SGCZ: variants seen among roughly 807,000 people sequenced by gnomAD.
The protein encoded by SGCZ is zeta-sarcoglycan.
Under a neutral mutation model 41.3 loss-of-function variants are expected in SGCZ, and 40 were observed. The observed-to-expected ratio is 0.97, with a 90% CI of 0.75 to 1.26. SGCZ has a LOEUF of 1.26. SGCZ is among the 50% of genes most tolerant of loss of function. The probability of loss-of-function intolerance (pLI) is 0.00; values close to 1 mark genes in which losing one functional copy is unlikely to be tolerated. For synonymous variants in SGCZ, 206 were observed against 137.5 expected (o/e 1.50, Z -3.49); for missense variants, 552 against 369.8 (o/e 1.49, Z -4.04).
intron 5 of SGCZ, among the ~76,000 whole-genome samples, chr8:14,122,755 A>T (rs117284586): frequency 0.026 from 3,905 of 152,206 alleles, 75 homozygotes; most frequent in East Asian, 0.082. Flanking sequence ...TGTTTTTAGG[A>T]ATTCTTCTTT....
chr8:14,636,038 T>A (rs1478553397), intron 1 of SGCZ, among the ~76,000 whole-genome samples: 1 of 151,790 alleles, frequency 6.6e-6, no homozygotes, highest in African/African-American at 2.4e-5. Flanking sequence ...TTAGGCCTAA[T>A]TATTTTGACG....
At chr8:14,132,620 T>C (rs1482676493) in intron 5 of SGCZ, among the ~76,000 whole-genome samples, 1 of 152,234 alleles carries the variant, frequency 6.6e-6, no homozygotes, top group African/African-American at 2.4e-5. Flanking sequence ...TACTTGAACA[T>C]ATTTTAAATC....
At chr8:14,927,508 A>C (rs1332205949) in intron 1 of SGCZ, among the ~76,000 whole-genome samples, 1 of 152,046 alleles carries the variant, frequency 6.6e-6, no homozygotes, top group Non-Finnish European at 1.5e-5. Context: ...AACAAGGTAG[A>C]GAAATAAGAA....
chr8:14,195,449 T>C (rs1472023297), intron 4 of SGCZ, among the ~76,000 whole-genome samples: 1 of 151,822 alleles, frequency 6.6e-6, no homozygotes, highest in East Asian at 1.9e-4. Context: ...GAATTTGGAG[T>C]CTCTGAGGAA....
At chr8:14,206,118 A>G (rs1487662108) in intron 4 of SGCZ, among the ~76,000 whole-genome samples, 1 of 152,128 alleles carries the variant, frequency 6.6e-6, no homozygotes, top group Admixed American at 6.5e-5. Context: ...TGTACAAATA[A>G]TTTTTATGTT....
chr8:14,665,599 T>C (rs1245111215), intron 1 of SGCZ, among the ~76,000 whole-genome samples: 1 of 152,190 alleles, frequency 6.6e-6, no homozygotes, highest in African/African-American at 2.4e-5. Context: ...AAGTGTTCAA[T>C]AGACATTAGA....
intron 1 of SGCZ, among the ~76,000 whole-genome samples, chr8:15,012,101 G>A (rs147127521): frequency 3.3e-5 from 5 of 151,948 alleles, no homozygotes; most frequent in Non-Finnish European, 7.4e-5. Flanking sequence ...TTAATGAATT[G>A]AACAATATTT....
intron 2 of SGCZ, among the ~76,000 whole-genome samples, chr8:14,456,358 A>T (rs1360991709): frequency 6.6e-6 from 1 of 152,212 alleles, no homozygotes; most frequent in Non-Finnish European, 1.5e-5. Flanking sequence ...CAGAGAGCCA[A>T]GACTGCACCA....
chr8:14,608,027 G>A (rs767468740), intron 1 of SGCZ, among the ~76,000 whole-genome samples: 2 of 152,188 alleles, frequency 1.3e-5, no homozygotes, highest in Non-Finnish European at 2.9e-5. Context: ...TGAGAAGTAA[G>A]ATTACAATGT....
chr8:14,323,148 C>T (rs983966664), intron 3 of SGCZ, among the ~76,000 whole-genome samples: 8 of 151,878 alleles, frequency 5.3e-5, no homozygotes, highest in African/African-American at 1.9e-4. Flanking sequence ...AAGTTAATAT[C>T]CTAATTAAAT....
chr8:15,062,217 G>C (rs1804964596), intron 1 of SGCZ, among the ~76,000 whole-genome samples: 1 of 151,986 alleles, frequency 6.6e-6, no homozygotes, highest in Non-Finnish European at 1.5e-5. Flanking sequence ...TTAATGAAAA[G>C]GTTAGCTTCT....
intron 1 of SGCZ, among the ~76,000 whole-genome samples, chr8:15,160,506 A>G (rs1238989579): frequency 1.3e-5 from 2 of 151,966 alleles, no homozygotes; most frequent in Admixed American, 1.3e-4. Context: ...TGGACCCAGC[A>G]ACACAACCCT....
intron 5 of SGCZ, among the ~76,000 whole-genome samples, chr8:14,111,410 G>T (rs1027479243): frequency 3.9e-5 from 6 of 152,090 alleles, no homozygotes; most frequent in African/African-American, 1.4e-4. Context: ...AGACTGTCAT[G>T]AATTCTCATA....
At chr8:14,369,934 C>A (rs541618201) in intron 2 of SGCZ, among the ~76,000 whole-genome samples, 2 of 151,894 alleles carry the variant, frequency 1.3e-5, no homozygotes, top group Admixed American at 1.3e-4. Flanking sequence ...AGGCTAATGA[C>A]GTCTATTAAA....
intron 3 of SGCZ, among the ~76,000 whole-genome samples, chr8:14,297,049 G>A (rs1337919392): frequency 6.6e-6 from 1 of 152,016 alleles, no homozygotes; most frequent in Non-Finnish European, 1.5e-5. Context: ...AGCATCCTGA[G>A]TAGTGAGGAG....
At chr8:15,201,424 A>T (rs1800885932) in intron 1 of SGCZ, among the ~76,000 whole-genome samples, 1 of 152,216 alleles carries the variant, frequency 6.6e-6, no homozygotes, top group East Asian at 1.9e-4. Context: ...TACTTGCAAC[A>T]ATCCAGCAAG....
At chr8:14,595,457 T>C (rs1467635710) in intron 1 of SGCZ, among the ~76,000 whole-genome samples, 2 of 148,430 alleles carry the variant, frequency 1.3e-5, no homozygotes, top group African/African-American at 5.0e-5. Context: ...TACTGATGGG[T>C]GGCTGGAAAG....
At position 14,581,938 on chromosome 8, in the gene SGCZ, G is replaced by C. The variant is rs147789361; in HGVS notation, c.40-27012C>G. Reference sequence around the variant, plus strand: ...TTTCACTAAAAGTTAGAGTGAGTGTGCCTGTCTCTCATGCTTCCCATTCCA... The same window carrying C: ...TTTCACTAAAAGTTAGAGTGAGTGTCCCTGTCTCTCATGCTTCCCATTCCA... On this transcript the variant is annotated intron_variant, in intron 1 of 7. Transcript: ENST00000382080. Among the ~76,000 whole-genome samples, 434 of 152,202 alleles carry C rather than the reference G, an allele frequency of 2.9e-3. 3 individuals are homozygous for C. The highest frequency in any genetic ancestry group is 0.01 in the African/African-American group (418 of 41,534).
chr8:14,721,885 C>G (rs1200741782), intron 1 of SGCZ, among the ~76,000 whole-genome samples: 1 of 150,558 alleles, frequency 6.6e-6, no homozygotes, highest in Non-Finnish European at 1.5e-5. Context: ...CCAGCACCAA[C>G]CACACTGTCC....
Sources: gnomAD v4.1 joint callset for allele counts (sites outside exome capture counted in the v4.1 genomes callset) on GRCh38, gnomAD v4.1.1 for gene constraint, MANE v1.5 for transcripts, NCBI Gene and HGNC (gene_info 2026-07-23, HGNC 2026-07-21) for gene names.